Variants in ADAMTSL3 observed in about 807,000 individuals in gnomAD.
ADAMTSL3 encodes ADAMTS like 3, also known as ADAMTS-like protein 3.
A neutral mutation model predicts 201.7 loss-of-function variants in ADAMTSL3; 128 were observed. The observed-to-expected ratio is 0.63, with a 90% CI of 0.55 to 0.73. The LOEUF is 0.73. Among genes scored for constraint, ADAMTSL3 ranks in the 30% least tolerant of loss-of-function variants. The probability of loss-of-function intolerance (pLI) is 0.00; values close to 1 mark genes in which losing one functional copy is unlikely to be tolerated. For synonymous variants in ADAMTSL3, 738 were observed against 748.4 expected (o/e 0.99, Z 0.23); for missense variants, 1,990 against 2,119.6 (o/e 0.94, Z 1.20).
rs1178552772 is a variant in ADAMTSL3, at chr15:83,982,599, G to A, written c.2971G>A (p.Val991Ile). The change falls in exon 21 of 30, where the codon GTT becomes ATT. Residue 991 changes from valine to isoleucine, a missense_variant. Coordinates refer to ENST00000286744, the MANE Select transcript of ADAMTSL3 (RefSeq NM_207517.3). Reference sequence around the variant, plus strand: ...CATTGCAGGCTCTGCACAGGAAACAGTTGTGCTCAAGCTCATTGGTACTGA... The same window carrying A: ...CATTGCAGGCTCTGCACAGGAAACAATTGTGCTCAAGCTCATTGGTACTGA... ...RCIAGSAQET[V>I]VLKLIGTDNR... 6.2e-7 allele frequency: 1 copy of A among 1,614,204 alleles called. No homozygotes were observed. Among genetic ancestry groups the A allele is most frequent in the Non-Finnish European group, 8.5e-7 (1 of 1,180,042 alleles).
At chr15:83,906,344 T>C (rs989766995) in intron 15 of ADAMTSL3, among the ~76,000 whole-genome samples, 3 of 152,138 alleles carry the variant, frequency 2.0e-5, no homozygotes, top group Non-Finnish European at 4.4e-5. Flanking sequence ...ATAAACATCT[T>C]TCTAATTTTG....
At chr15:83,998,891 C>A (rs1802445317) in intron 23 of ADAMTSL3, among the ~76,000 whole-genome samples, 1 of 152,216 alleles carries the variant, frequency 6.6e-6, no homozygotes, top group Non-Finnish European at 1.5e-5. Context: ...CACACAAGGT[C>A]CCCAGAGAAG....
At chr15:83,884,990 A>G (rs2065357872) in intron 9 of ADAMTSL3, 111 bp from the exon 10 acceptor site, 2 of 665,730 alleles carry the variant, frequency 3.0e-6, no homozygotes, top group Non-Finnish European at 5.2e-6. Context: ...TAGTTTTTCT[A>G]ATGGATGGGT....
At chr15:84,018,674 A>G (rs1439229794) in intron 25 of ADAMTSL3, among the ~76,000 whole-genome samples, 2 of 149,954 alleles carry the variant, frequency 1.3e-5, no homozygotes, top group Non-Finnish European at 3.0e-5. Flanking sequence ...TGACTAGGGT[A>G]CAGTTGAGGG....
chr15:83,875,210 G>A (rs995819867), intron 9 of ADAMTSL3, among the ~76,000 whole-genome samples: 16 of 152,256 alleles, frequency 1.1e-4, no homozygotes, highest in Non-Finnish European at 2.2e-4. Flanking sequence ...AGGAAGGAAG[G>A]TTGGATACAA....
intron 3 of ADAMTSL3, among the ~76,000 whole-genome samples, chr15:83,742,524 A>G (rs1466605075): frequency 1.3e-5 from 2 of 152,232 alleles, no homozygotes; most frequent in Non-Finnish European, 2.9e-5. Context: ...ATTTAAACCT[A>G]GTCATTTGGG....
intron 8 of ADAMTSL3, among the ~76,000 whole-genome samples, chr15:83,870,076 C>G (rs1277583357): frequency 6.6e-6 from 1 of 152,108 alleles, no homozygotes; most frequent in African/African-American, 2.4e-5. Flanking sequence ...CTGTGATAAG[C>G]AAACTTTTTT....
chr15:83,906,622 CCACACACACACACACACACACACA>C (rs1157198460), intron 15 of ADAMTSL3, among the ~76,000 whole-genome samples: 200 of 79,028 alleles, frequency 2.5e-3, no homozygotes, highest in Non-Finnish European at 3.0e-3. Flanking sequence ...GTGCCACACA[CCACACACACACACACACACACACA>C]CACACACACA....
chr15:84,009,152 C>T (rs1239352798), intron 23 of ADAMTSL3, among the ~76,000 whole-genome samples: 1 of 152,204 alleles, frequency 6.6e-6, no homozygotes, highest in Non-Finnish European at 1.5e-5. Flanking sequence ...CAAGTCAGCT[C>T]ATGCCATTCT....
chr15:83,693,521 A>G (rs915157878), intron 2 of ADAMTSL3, among the ~76,000 whole-genome samples: 2 of 152,190 alleles, frequency 1.3e-5, no homozygotes, highest in African/African-American at 4.8e-5. Context: ...TAGAGAGTAT[A>G]GACCCTTTGA....
At chr15:83,656,124 T>C (rs1362582379) in intron 2 of ADAMTSL3, among the ~76,000 whole-genome samples, 1 of 152,204 alleles carries the variant, frequency 6.6e-6, no homozygotes, top group Non-Finnish European at 1.5e-5. Flanking sequence ...CTAGAATGGC[T>C]GTCTGCATGT....
At chr15:83,997,766 C>T (rs1448244778) in intron 23 of ADAMTSL3, among the ~76,000 whole-genome samples, 1 of 152,088 alleles carries the variant, frequency 6.6e-6, no homozygotes, top group African/African-American at 2.4e-5. Flanking sequence ...CCTCCTAGCC[C>T]TGTTTCCTGT....
intron 17 of ADAMTSL3, among the ~76,000 whole-genome samples, chr15:83,930,004 A>G (rs761256619): frequency 1.3e-5 from 2 of 152,210 alleles, no homozygotes; most frequent in African/African-American, 2.4e-5. Flanking sequence ...ATGAAGTTCA[A>G]CAGAATGTGA....
intron 6 of ADAMTSL3, among the ~76,000 whole-genome samples, chr15:83,823,925 C>T (rs1567169510): frequency 8.2e-6 from 1 of 122,292 alleles, no homozygotes; most frequent in Non-Finnish European, 1.7e-5. Flanking sequence ...TCTTCTTCTT[C>T]TTCTTCTTCT....
intron 19 of ADAMTSL3, among the ~76,000 whole-genome samples, chr15:83,969,770 T>C (rs541989870): frequency 2.0e-5 from 3 of 152,206 alleles, no homozygotes; most frequent in Non-Finnish European, 4.4e-5. Flanking sequence ...AAGTTTCAAT[T>C]ATACTAGCTG....
chr15:83,924,526 G>A (rs1273828399), intron 17 of ADAMTSL3, among the ~76,000 whole-genome samples: 1 of 152,150 alleles, frequency 6.6e-6, no homozygotes, highest in East Asian at 1.9e-4. Flanking sequence ...ATCTCAGATT[G>A]TGGGGTATAA....
At chr15:83,703,458 C>T (rs1422402049) in intron 2 of ADAMTSL3, among the ~76,000 whole-genome samples, 1 of 152,074 alleles carries the variant, frequency 6.6e-6, no homozygotes, top group Non-Finnish European at 1.5e-5. Flanking sequence ...TCCTATAATT[C>T]CCATGTGTTG....
At chr15:83,726,966 A>G (rs2062186574) in intron 3 of ADAMTSL3, among the ~76,000 whole-genome samples, 1 of 151,654 alleles carries the variant, frequency 6.6e-6, no homozygotes, top group Non-Finnish European at 1.5e-5. Flanking sequence ...GAGTAGGGTT[A>G]GTATTAGTTC....
intron 7 of ADAMTSL3, among the ~76,000 whole-genome samples, chr15:83,839,433 C>G (rs2064333884): frequency 6.6e-6 from 1 of 152,084 alleles, no homozygotes; most frequent in Non-Finnish European, 1.5e-5. Flanking sequence ...GGAGTCAAAG[C>G]CTTCGTTATT....
Sources: gnomAD v4.1 joint callset for allele counts (sites outside exome capture counted in the v4.1 genomes callset) on GRCh38, gnomAD v4.1.1 for gene constraint, MANE v1.5 for transcripts, NCBI Gene and HGNC (gene_info 2026-07-23, HGNC 2026-07-21) for gene names.